The following BRWD1 variants were observed in gnomAD, a reference collection of about 807,000 sequenced individuals.
BRWD1 encodes bromodomain and WD repeat domain containing 1, also known as bromodomain and WD repeat-containing protein 1.
BRWD1 carries 82 observed loss-of-function variants against 251.2 expected under a neutral mutation model. The observed-to-expected ratio is 0.33, with a 90% CI of 0.27 to 0.39. BRWD1 has a LOEUF of 0.39. Ranked by LOEUF, BRWD1 falls within the 10% of genes least tolerant of loss-of-function variation. BRWD1 has a pLI of 1.00. For missense variants in BRWD1, 2,233 were observed against 2,711.6 expected, an observed-to-expected ratio of 0.82 and a Z score of 3.92; for synonymous variants, 918 against 902.8, an observed-to-expected ratio of 1.02 and a Z score of -0.30.
At chr21:39,231,136 C>T (rs1379370109) in intron 25 of BRWD1, among the ~76,000 whole-genome samples, 1 of 152,038 alleles carries the variant, frequency 6.6e-6, no homozygotes, top group East Asian at 1.9e-4. Flanking sequence ...AAATAACTAG[C>T]ATTTTCTTCA....
intron 19 of BRWD1, among the ~76,000 whole-genome samples, chr21:39,255,134 G>A (rs2034520030): frequency 6.6e-6 from 1 of 152,168 alleles, no homozygotes; most frequent in African/African-American, 2.4e-5. Flanking sequence ...GACGGAGCCG[G>A]GCGTGGTGGC....
At chr21:39,312,578 G>A (rs2036525693) in intron 4 of BRWD1, 2 of 348,376 alleles carry the variant, frequency 5.7e-6, no homozygotes, top group East Asian at 1.1e-4. Context: ...CGCACCTGGA[G>A]CCCCACCCCT....
Position 39,192,754 on chromosome 21 carries a change from AAAAC to A in BRWD1, c.*3501_*3504del, listed in dbSNP as rs933398718. On this transcript the variant is annotated 3_prime_UTR_variant, in exon 41 of 41. Transcript: ENST00000342449. ...AAATTGATACAATGGAGTGGAAAGG[AAAAC>A]AAAAAAGATCGTAAGCACCTTTAAC... is the stretch of plus-strand genomic sequence containing the variant. 2 of 985,044 alleles carry A rather than the reference AAAAC, an allele frequency of 2.0e-6. No homozygotes were observed. The highest frequency in any genetic ancestry group is 3.5e-5 in the African/African-American group (2 of 57,204). The allele number at this position is 985,044 out of a possible 1,614,324, so 61.0% of individuals were successfully genotyped here.
intron 22 of BRWD1, among the ~76,000 whole-genome samples, 180 bp downstream of exon 22, chr21:39,238,299 A>C (rs1156835907): frequency 1.3e-5 from 2 of 152,006 alleles, no homozygotes; most frequent in African/African-American, 4.8e-5. Context: ...AAAAAAAAAA[A>C]AAAAACTCCT....
At chr21:39,319,048 C>G (rs1015352089) in intron 1 of BRWD1, among the ~76,000 whole-genome samples, 5 of 152,172 alleles carry the variant, frequency 3.3e-5, no homozygotes, top group African/African-American at 1.2e-4. Context: ...AGCCACCACA[C>G]CTGGACTTTG....
At chr21:39,205,470 C>G (rs934159524) in intron 37 of BRWD1, among the ~76,000 whole-genome samples, 1 of 152,050 alleles carries the variant, frequency 6.6e-6, no homozygotes, top group Non-Finnish European at 1.5e-5. Context: ...TAGTGAAACC[C>G]TGTCTTAAAA....
intron 21 of BRWD1, among the ~76,000 whole-genome samples, chr21:39,239,382 GATTT>G (rs2033916020): frequency 6.6e-6 from 1 of 152,252 alleles, no homozygotes; most frequent in Admixed American, 6.5e-5. Flanking sequence ...TGGTGTCTAG[GATTT>G]ATTTTGTATG....
intron 8 of BRWD1, among the ~76,000 whole-genome samples, chr21:39,283,474 G>T (rs1295780656): frequency 6.6e-6 from 1 of 152,138 alleles, no homozygotes; most frequent in Non-Finnish European, 1.5e-5. Flanking sequence ...ATGTGTTTGA[G>T]GGGTTTTGTT....
upstream of BRWD1, among the ~76,000 whole-genome samples, chr21:39,318,564 C>G (rs1261991496): frequency 3.3e-5 from 5 of 152,306 alleles, no homozygotes; most frequent in South Asian, 1.0e-3. Flanking sequence ...TAAATGCACA[C>G]AAAAACCTGG....
In BRWD1 at chr21:39,199,141, C is replaced by T; in HGVS notation, c.5275G>A (p.Asp1759Asn). 3.1e-6 allele frequency: 5 copies of T among 1,613,988 alleles called. No homozygotes were observed. Among genetic ancestry groups the T allele is most frequent in the Non-Finnish European group, 4.2e-6 (5 of 1,180,004 alleles). The change falls in exon 40 of 41, where the codon GAC becomes AAC. Residue 1759 changes from aspartate (D) to asparagine (N), a missense_variant. This residue lies in a region of BRWD1 where 928 missense variants were observed against 970.0 expected (regional missense o/e 0.96). Transcript: ENST00000342449. Reference sequence around the variant, plus strand: ...TGATCTGAATCATGACTTTTAGAGTCTTCCTCAGAAGACTCTATTTTAAGA... The same window carrying T: ...TGATCTGAATCATGACTTTTAGAGTTTTCCTCAGAAGACTCTATTTTAAGA... ...KFLKIESSEEDSKSHDSDHAC... is the reference protein window; with the variant it reads ...KFLKIESSEENSKSHDSDHAC...
At chr21:39,285,379 A>G (rs1367810154) in intron 8 of BRWD1, among the ~76,000 whole-genome samples, 2 of 152,224 alleles carry the variant, frequency 1.3e-5, no homozygotes, top group East Asian at 1.9e-4. Context: ...TTACAATCAG[A>G]CAGGAAGAAT....
chr21:39,250,798 T>C lies in BRWD1; in HGVS notation c.2347A>G (p.Lys783Glu), dbSNP rs774434929. The C allele has an allele frequency of 1.3e-6, 2 of 1,564,680 alleles. No homozygotes were observed. The highest frequency in any genetic ancestry group is 4.5e-5 in the East Asian group (2 of 44,328). ...TAAGAAAACAGAATTTAGGTTACCT[T>C]ATGTGAGAGCTGAAGAGTCTTTCTT... Reference protein sequence around the residue: ...RKRKTLQLSHKSDSVVLVSQS... With the variant: ...RKRKTLQLSHESDSVVLVSQS... The change falls in exon 20 of 41, where the codon AAG becomes GAG. Residue 783 changes from lysine to glutamate, a missense_variant and splice_region_variant. By Grantham distance (56) the Lys-to-Glu change is moderately conservative. Coordinates refer to ENST00000342449, the MANE Select transcript of BRWD1 (RefSeq NM_033656.4).
At position 39,296,285 on chromosome 21, in the gene BRWD1, T is replaced by A. The variant is rs767540691; in HGVS notation, c.428A>T (p.Tyr143Phe). ...CTTACCAAGATTTGGTGGGGAACCA[T>A]AATTCACTGGCATTTCAGGAGGTCT... is the stretch of plus-strand genomic sequence containing the variant. ...RGRPPEMPVNYGSPPNLVEIH... is the reference protein window; with the variant it reads ...RGRPPEMPVNFGSPPNLVEIH... The change falls in exon 6 of 41, where the codon TAT (tyrosine) becomes TTT (phenylalanine). Residue 143 changes from tyrosine to phenylalanine, a missense_variant. Coordinates refer to ENST00000342449, the MANE Select transcript of BRWD1 (RefSeq NM_033656.4). The A allele has an allele frequency of 5.6e-6, 9 of 1,599,700 alleles. No homozygotes were observed. The highest frequency in any genetic ancestry group is 1.1e-5 in the South Asian group (1 of 88,234).
At chr21:39,224,727 C>T (rs932693409) in intron 28 of BRWD1, among the ~76,000 whole-genome samples, 1 of 152,166 alleles carries the variant, frequency 6.6e-6, no homozygotes, top group Admixed American at 6.5e-5. Context: ...AATTCCACTA[C>T]AGCCACAGTC....
Position 39,218,756 on chromosome 21 carries a change from G to A in BRWD1, c.3383-96C>T, listed in dbSNP as rs2033055228. 4.1e-6 allele frequency: 4 copies of A among 980,144 alleles called. No homozygotes were observed. In the South Asian group the frequency reaches 9.9e-5, roughly 24 times the overall value. The allele number at this position is 980,144 out of a possible 1,614,324, so 60.7% of individuals were successfully genotyped here. ...TCAATTTTCATAGCTTATAAAACTA[G>A]GTTATCTCCACAGTCAAAAATAGAG... On this transcript the variant is annotated intron_variant, in intron 29 of 40. Transcript: ENST00000342449.
intron 36 of BRWD1, among the ~76,000 whole-genome samples, chr21:39,206,921 T>G (rs1435298533): frequency 1.3e-5 from 2 of 152,210 alleles, no homozygotes; most frequent in East Asian, 3.8e-4. Context: ...TGAAAATAAG[T>G]GCAAAAGTCT....
intron 36 of BRWD1, 150 bp from the exon 37 acceptor site, chr21:39,206,424 C>G: frequency 1.7e-6 from 1 of 588,618 alleles, no homozygotes; most frequent in Non-Finnish European, 2.9e-6. Flanking sequence ...AACCCCCTTC[C>G]CTTAATGACA....
upstream of BRWD1, among the ~76,000 whole-genome samples, chr21:39,316,454 A>G (rs1327219519): frequency 1.3e-5 from 2 of 152,224 alleles, no homozygotes; most frequent in Non-Finnish European, 2.9e-5. Context: ...ACCAAATGAC[A>G]AAGACATCAA....
At chr21:39,262,376 T>G (rs1360898561) in intron 17 of BRWD1, among the ~76,000 whole-genome samples, 1 of 152,196 alleles carries the variant, frequency 6.6e-6, no homozygotes, top group Non-Finnish European at 1.5e-5. Context: ...ACAACACTAA[T>G]GAATCTCAAA....
Sources: allele counts gnomAD v4.1 joint callset (sites outside exome capture counted in the v4.1 genomes callset), GRCh38; gene constraint gnomAD v4.1.1; regional missense constraint gnomAD v4.1.1; transcripts MANE v1.5; gene names NCBI Gene and HGNC (gene_info 2026-07-23, HGNC 2026-07-21).